HS1BP3: variants seen among roughly 807,000 people sequenced by gnomAD.
The protein encoded by HS1BP3 is HCLS1-binding protein 3.
In HS1BP3, 32 loss-of-function variants were observed where a neutral mutation model predicts 33.5. The observed-to-expected ratio is 0.95, with a 90% CI of 0.72 to 1.28. The LOEUF (loss-of-function observed/expected upper bound fraction) is 1.28. Among genes scored for constraint, HS1BP3 ranks in the 50% most tolerant of loss-of-function variants. The pLI is 0.00. For synonymous variants in HS1BP3, 187 were observed against 209.2 expected, an observed-to-expected ratio of 0.89 and a Z score of 0.92; for missense variants, 486 against 502.3, an observed-to-expected ratio of 0.97 and a Z score of 0.31.
downstream of HS1BP3, among the ~76,000 whole-genome samples, chr2:20,555,890 T>C (rs950484293): frequency 6.6e-6 from 1 of 152,142 alleles, no homozygotes; most frequent in African/African-American, 2.4e-5. Flanking sequence ...CTTCCCCACT[T>C]CACCTCTGCA....
intron 2 of HS1BP3, chr2:20,606,572 T>C (rs1694182862): frequency 2.0e-6 from 1 of 493,680 alleles, no homozygotes; most frequent in South Asian, 1.5e-5. Flanking sequence ...TTTGGCCTTG[T>C]CCCCGGATTT....
intron 5 of HS1BP3, among the ~76,000 whole-genome samples, chr2:20,562,509 A>G (rs887896728): frequency 6.6e-6 from 1 of 152,184 alleles, no homozygotes; most frequent in Non-Finnish European, 1.5e-5. Flanking sequence ...AAAGTAAAAT[A>G]TAATTAATGG....
intron 2 of HS1BP3, among the ~76,000 whole-genome samples, chr2:20,606,069 T>C (rs533722691): frequency 6.6e-6 from 1 of 152,260 alleles, no homozygotes; most frequent in South Asian, 2.1e-4. Context: ...ATCAGCAGGG[T>C]ATGAAGCTTT....
intron 5 of HS1BP3, among the ~76,000 whole-genome samples, chr2:20,560,967 C>T (rs186938212): frequency 1.4e-3 from 210 of 152,238 alleles, no homozygotes; most frequent in African/African-American, 4.7e-3. Flanking sequence ...ACAGGAGCCT[C>T]TTCAGTCCCC....
chr2:20,572,028 A>G (rs574083147), intron 5 of HS1BP3, among the ~76,000 whole-genome samples: 2 of 152,344 alleles, frequency 1.3e-5, no homozygotes, highest in East Asian at 1.9e-4. Flanking sequence ...AGTCATATCT[A>G]AAGTCACAGA....
rs1219888697 is a variant in HS1BP3, at chr2:20,622,170, A to C, written c.920+1726T>G. The C allele has an allele frequency of 1.3e-5, 17 of 1,284,462 alleles. No homozygotes were observed. In the East Asian group the frequency reaches 8.4e-4, roughly 64 times the overall value. 79.6% of individuals were successfully genotyped at this position (1,284,462 alleles called of 1,614,324 possible). A position where few individuals can be genotyped will look rare whatever the true frequency, so the allele number is the denominator to read the frequency against. ...AGTGACAGAATGAACGAAGGGGTGAAAGCATGAATGAATGAATGGCTATCA... is the reference window on the plus strand; with the variant it reads ...AGTGACAGAATGAACGAAGGGGTGACAGCATGAATGAATGAATGGCTATCA... On this transcript the variant is annotated intron_variant, in intron 6 of 6. Transcript: ENST00000304031.
chr2:20,568,270 G>A (rs1693184042), intron 5 of HS1BP3, among the ~76,000 whole-genome samples: 1 of 152,164 alleles, frequency 6.6e-6, no homozygotes, highest in Non-Finnish European at 1.5e-5. Flanking sequence ...TTAGAGGAGG[G>A]CGGGAAGGAG....
intron 5 of HS1BP3, among the ~76,000 whole-genome samples, chr2:20,565,045 A>G (rs1693092888): frequency 6.6e-6 from 1 of 152,166 alleles, no homozygotes; most frequent in Admixed American, 6.5e-5. Context: ...GACTGGGATC[A>G]TGGCCTTAAC....
chr2:20,585,992 C>T (rs1222123503), intron 5 of HS1BP3, among the ~76,000 whole-genome samples: 1 of 151,134 alleles, frequency 6.6e-6, no homozygotes, highest in African/African-American at 2.4e-5. Context: ...GGCTAGAACT[C>T]GCAGATTCCG....
chr2:20,567,834 C>G (rs921219475), intron 5 of HS1BP3, among the ~76,000 whole-genome samples: 4 of 152,320 alleles, frequency 2.6e-5, no homozygotes, highest in African/African-American at 7.2e-5. Context: ...GAACCTGACC[C>G]CAAGTTTGCA....
chr2:20,630,111 G>C (rs963612523), intron 4 of HS1BP3, among the ~76,000 whole-genome samples: 8 of 152,226 alleles, frequency 5.3e-5, no homozygotes, highest in African/African-American at 1.9e-4. Context: ...TTCCACAACT[G>C]AGACACATGG....
At chr2:20,583,922 T>C (rs926006944) in intron 5 of HS1BP3, among the ~76,000 whole-genome samples, 3 of 152,178 alleles carry the variant, frequency 2.0e-5, no homozygotes, top group African/African-American at 4.8e-5. Flanking sequence ...TATATGGAGA[T>C]GGCATTTCCT....
At chr2:20,629,024 G>A (rs914273927) in intron 4 of HS1BP3, among the ~76,000 whole-genome samples, 4 of 152,188 alleles carry the variant, frequency 2.6e-5, no homozygotes, top group African/African-American at 9.7e-5. Flanking sequence ...GCGGTGGTGC[G>A]AGGGGAAGAC....
intron 2 of HS1BP3, among the ~76,000 whole-genome samples, chr2:20,599,331 G>T (rs1694017222): frequency 6.6e-6 from 1 of 152,226 alleles, no homozygotes. Context: ...TGGCAATCCT[G>T]CCAGCCACAG....
At chr2:20,637,096 A>G (rs1320156062) in intron 4 of HS1BP3, 1 of 143,714 alleles carries the variant, frequency 7.0e-6, no homozygotes, top group Non-Finnish European at 1.5e-5. Context: ...CAATCTGCTA[A>G]TGAAGTAAGT....
chr2:20,560,976 C>T (rs191718573), intron 5 of HS1BP3, among the ~76,000 whole-genome samples: 1 of 152,228 alleles, frequency 6.6e-6, no homozygotes, highest in East Asian at 1.9e-4. Context: ...TCTTCAGTCC[C>T]CACAAGGGGC....
At chr2:20,625,667 C>G (rs994049867) in intron 4 of HS1BP3, among the ~76,000 whole-genome samples, 4 of 152,234 alleles carry the variant, frequency 2.6e-5, no homozygotes, top group African/African-American at 9.6e-5. Flanking sequence ...CTCTGCCACC[C>G]CAGGTCCCAT....
chr2:20,605,432 C>T lies in HS1BP3; in HGVS notation c.179-7167G>A, dbSNP rs192723079. Among the ~76,000 whole-genome samples the T allele has an allele frequency of 2.0e-4, 31 of 152,168 alleles. No individual in the cohort carries two copies. In the East Asian group the frequency reaches 4.2e-3, roughly 21 times the overall value. On this transcript the variant is annotated intron_variant, in intron 2 of 3. Transcript: ENST00000415264. ...GTAAACTTTTTGTTTTTGGTGGTGG[C>T]GGTGGTAAAATACACATCACATAAA...
chr2:20,642,676 G>C (rs532012392), intron 2 of HS1BP3, among the ~76,000 whole-genome samples: 1 of 152,346 alleles, frequency 6.6e-6, no homozygotes, highest in African/African-American at 2.4e-5. Flanking sequence ...GAGTACTCCG[G>C]AGCTGTAGGC....
Sources: allele counts gnomAD v4.1 joint callset (sites outside exome capture counted in the v4.1 genomes callset), GRCh38; gene constraint gnomAD v4.1.1; transcripts MANE v1.5; gene names NCBI Gene and HGNC (gene_info 2026-07-23, HGNC 2026-07-21).